Variants in ARL5B observed in about 807,000 individuals in gnomAD.
The protein encoded by ARL5B is ARF like GTPase 5B, also known as ADP-ribosylation factor-like protein 5B.
In ARL5B, 10 loss-of-function variants were observed where a neutral mutation model predicts 26.9. The observed-to-expected ratio is 0.37, with a 90% confidence interval of 0.23 to 0.63. The LOEUF (loss-of-function observed/expected upper bound fraction) is 0.63, where lower values mean the gene tolerates loss of function less well. Among genes scored for constraint, ARL5B ranks in the 30% least tolerant of loss-of-function variants. The probability of loss-of-function intolerance (pLI) is 0.62; values close to 1 mark genes in which losing one functional copy is unlikely to be tolerated. For missense variants in ARL5B, 167 were observed against 213.9 expected (o/e 0.78, Z 1.37); for synonymous variants, 87 against 70.4 (o/e 1.24, Z -1.18).
At chr10:18,667,566 A>G (rs988940502) in intron 2 of ARL5B, among the ~76,000 whole-genome samples, 1 of 152,186 alleles carries the variant, frequency 6.6e-6, no homozygotes, top group African/African-American at 2.4e-5. Flanking sequence ...ATAAAACCCA[A>G]GAGAATTGCA....
rs1422108703 is a variant in ARL5B at position 18,679,624 on chromosome 10, T to C, written c.*4408T>C. ...CAATATAAAAAAATATGTTCAACTATTCCATTTTAAATTTAAAGCAGAAAA... is the reference window on the plus strand; with the variant it reads ...CAATATAAAAAAATATGTTCAACTACTCCATTTTAAATTTAAAGCAGAAAA... On this transcript the variant is annotated 3_prime_UTR_variant, in exon 6 of 6. Transcript: ENST00000377275. 6.6e-6 allele frequency: 1 copy of C among 151,896 alleles called. No homozygotes were observed. Among genetic ancestry groups the C allele is most frequent in the Non-Finnish European group, 1.5e-5 (1 of 67,832 alleles). 9.4% of individuals were successfully genotyped at this position (151,896 alleles called of 1,614,324 possible).
chr10:18,668,438 A>G, intron 2 of ARL5B, 92 bp from the exon 3 acceptor site: 5 of 1,373,936 alleles, frequency 3.6e-6, no homozygotes, highest in Non-Finnish European at 5.0e-6. Flanking sequence ...TCATTGGTGC[A>G]GAAGGTTGAT....
rs1261733879 is a variant in ARL5B at position 18,676,303 on chromosome 10, T to C, written c.*1087T>C. 6.6e-6 allele frequency: 1 copy of C among 152,454 alleles called. No homozygotes were observed. The highest frequency in any genetic ancestry group is 2.4e-5 in the African/African-American group (1 of 41,442). 9.4% of individuals were successfully genotyped at this position (152,454 alleles called of 1,614,324 possible). A position where few individuals can be genotyped will look rare whatever the true frequency, so the allele number is the denominator to read the frequency against. On this transcript the variant is annotated 3_prime_UTR_variant, in exon 6 of 6. Coordinates refer to ENST00000377275, the MANE Select transcript of ARL5B (RefSeq NM_178815.5). ...GTATTATGTAATAGACTTGAAACAATTGCCATCTTTGTAGTTATGCCTTGG... is the reference window on the plus strand; with the variant it reads ...GTATTATGTAATAGACTTGAAACAACTGCCATCTTTGTAGTTATGCCTTGG...
chr10:18,673,363 A>G (rs1034201940), intron 4 of ARL5B, among the ~76,000 whole-genome samples: 2 of 152,080 alleles, frequency 1.3e-5, no homozygotes, highest in African/African-American at 4.8e-5. Context: ...CCTGGCCTGT[A>G]TTCCATGTTT....
chr10:18,673,302 C>T (rs772237402), intron 4 of ARL5B, among the ~76,000 whole-genome samples: 5 of 151,884 alleles, frequency 3.3e-5, no homozygotes, highest in Admixed American at 2.6e-4. Flanking sequence ...TGTCGTTATC[C>T]GCCTGCCTCA....
rs1473059366 is a variant in ARL5B, at chr10:18,678,888, G to A, written c.*3672G>A. ...TTGACCTTAGACAATTAGTGTCCAT[G>A]GCTTTCCTTTTGTTTTTCCCATACT... On this transcript the variant is annotated 3_prime_UTR_variant, in exon 6 of 6. Coordinates refer to ENST00000377275, the MANE Select transcript of ARL5B (RefSeq NM_178815.5). 2 of 151,698 alleles carry A rather than the reference G, an allele frequency of 1.3e-5. No individual in the cohort carries two copies. Among genetic ancestry groups the A allele is most frequent in the Admixed American group, 1.3e-4 (2 of 15,206 alleles). The allele number at this position is 151,698 out of a possible 1,614,324, so 9.4% of individuals were successfully genotyped here.
chr10:18,661,172 C>A (rs912013294), intron 1 of ARL5B, among the ~76,000 whole-genome samples: 1 of 152,174 alleles, frequency 6.6e-6, no homozygotes, highest in South Asian at 2.1e-4. Context: ...TTAAGACATG[C>A]TTAAAGGTAT....
Position 18,678,825 on chromosome 10 carries a change from G to T in ARL5B, c.*3609G>T, listed in dbSNP as rs2059921015. The stretch of plus-strand genomic sequence containing the variant: ...ATTGTGCTAGCCATCTAAAAAAGTG[G>T]ATTTGAGCCTTAATTTGGCCGTTTC... On this transcript the variant is annotated 3_prime_UTR_variant, in exon 6 of 6. Transcript: ENST00000377275. The T allele has an allele frequency of 6.6e-6, 1 of 151,664 alleles. No homozygotes were observed. Among genetic ancestry groups the T allele is most frequent in the Non-Finnish European group, 1.5e-5 (1 of 67,744 alleles). 9.4% of individuals were successfully genotyped at this position (151,664 alleles called of 1,614,324 possible).
intron 3 of ARL5B, among the ~76,000 whole-genome samples, chr10:18,669,821 G>A (rs889669648): frequency 4.0e-5 from 6 of 151,798 alleles, no homozygotes; most frequent in South Asian, 2.1e-4. Flanking sequence ...GTGAAACCCC[G>A]TCTCTACTAA....
At chr10:18,666,535 C>T in intron 1 of ARL5B, 40 bp from the exon 2 acceptor site, 2 of 1,486,688 alleles carry the variant, frequency 1.3e-6, no homozygotes, top group Middle Eastern at 3.5e-4. Context: ...TGCAGTAATG[C>T]AGTAGTGTTA....
Position 18,660,026 on chromosome 10 carries a change from A to T in ARL5B, c.46+343A>T, listed in dbSNP as rs1014116164. ...TTGAAGCGTGCTTGTGTCTATGTGTATCCCCAGGATAAGTGTCCGCCCAGA... is the reference window on the plus strand; with the variant it reads ...TTGAAGCGTGCTTGTGTCTATGTGTTTCCCCAGGATAAGTGTCCGCCCAGA... On this transcript the variant is annotated intron_variant, in intron 1 of 5. Coordinates refer to ENST00000377275, the MANE Select transcript of ARL5B (RefSeq NM_178815.5). The T allele has an allele frequency of 9.4e-6, 8 of 854,074 alleles. No individual in the cohort carries two copies. In the African/African-American group the frequency reaches 1.3e-4, roughly 14 times the overall value. The allele number at this position is 854,074 out of a possible 1,614,324, so 52.9% of individuals were successfully genotyped here.
intron 2 of ARL5B, 80 bp from the exon 3 acceptor site, chr10:18,668,450 G>A: frequency 6.7e-7 from 1 of 1,482,750 alleles, no homozygotes; most frequent in Non-Finnish European, 9.2e-7. Context: ...AAGGTTGATT[G>A]ATCTTAAAAA....
In ARL5B at chr10:18,675,311, A is replaced by G; in HGVS notation, c.*95A>G. ...GCTAAGGCAGCAGCATGTTTAATTT[A>G]TAACAACACAAACCTCTGAGAGCAA... is the stretch of plus-strand genomic sequence containing the variant. On this transcript the variant is annotated 3_prime_UTR_variant, in exon 6 of 6. Coordinates refer to ENST00000377275, the MANE Select transcript of ARL5B (RefSeq NM_178815.5). 2 of 1,228,418 alleles carry G rather than the reference A, an allele frequency of 1.6e-6. No individual in the cohort carries two copies. The highest frequency in any genetic ancestry group is 2.4e-6 in the Non-Finnish European group (2 of 834,900). 76.1% of individuals were successfully genotyped at this position (1,228,418 alleles called of 1,614,324 possible). A position where few individuals can be genotyped will look rare whatever the true frequency, so the allele number is the denominator to read the frequency against.
Position 18,678,712 on chromosome 10 carries a change from A to T in ARL5B, c.*3496A>T, listed in dbSNP as rs2131654096. 6.6e-6 allele frequency: 1 copy of T among 151,662 alleles called. No individual in the cohort carries two copies. Among genetic ancestry groups the T allele is most frequent in the South Asian group, 2.1e-4 (1 of 4,818 alleles). 9.4% of individuals were successfully genotyped at this position (151,662 alleles called of 1,614,324 possible). ...ACAGCTTTGGAACCAAAAAAACTTC[A>T]CTCTAATTCAGTCCTAAAGGCTATT... is the stretch of plus-strand genomic sequence containing the variant. On this transcript the variant is annotated 3_prime_UTR_variant, in exon 6 of 6. Transcript: ENST00000377275.
intron 4 of ARL5B, among the ~76,000 whole-genome samples, chr10:18,673,435 G>C (rs777072543): frequency 6.6e-6 from 1 of 152,128 alleles, no homozygotes; most frequent in Admixed American, 6.5e-5. Flanking sequence ...ACAACATTGT[G>C]ACTTATCCAT....
chr10:18,665,242 A>G, intron 1 of ARL5B, among the ~76,000 whole-genome samples: 1 of 152,188 alleles, frequency 6.6e-6, no homozygotes, highest in Non-Finnish European at 1.5e-5. Flanking sequence ...CAGGAGGTTC[A>G]GGTAGGAGGA....
chr10:18,673,637 C>G (rs965757215), intron 4 of ARL5B, among the ~76,000 whole-genome samples: 2 of 151,866 alleles, frequency 1.3e-5, no homozygotes, highest in Admixed American at 1.3e-4. Context: ...TAAGTATTGC[C>G]CAGCTCCCAC....
At chr10:18,669,532 A>G (rs903011695) in intron 3 of ARL5B, among the ~76,000 whole-genome samples, 1 of 152,118 alleles carries the variant, frequency 6.6e-6, no homozygotes, top group African/African-American at 2.4e-5. Context: ...TTCATGTTCT[A>G]TTTCTGCTTT....
rs1482534630 is a variant in ARL5B, at chr10:18,680,236, G to A, written c.*5020G>A. The A allele has an allele frequency of 6.6e-6, 1 of 151,976 alleles. No individual in the cohort carries two copies. The highest frequency in any genetic ancestry group is 1.5e-5 in the Non-Finnish European group (1 of 67,914). The allele number at this position is 151,976 out of a possible 1,614,324, so 9.4% of individuals were successfully genotyped here. On this transcript the variant is annotated 3_prime_UTR_variant, in exon 6 of 6. Coordinates refer to ENST00000377275, the MANE Select transcript of ARL5B (RefSeq NM_178815.5). The stretch of plus-strand genomic sequence containing the variant: ...CATAAAAACCCCCTTCACCCAAACT[G>A]TATTTGAAATATGCAAAATTCATAA...
Sources: allele counts gnomAD v4.1 joint callset (sites outside exome capture counted in the v4.1 genomes callset), GRCh38; gene constraint gnomAD v4.1.1; transcripts MANE v1.5; gene names NCBI Gene and HGNC (gene_info 2026-07-23, HGNC 2026-07-21).